The following HNRNPC variants were observed in gnomAD, a reference collection of about 807,000 sequenced individuals.
HNRNPC encodes the protein heterogeneous nuclear ribonucleoproteins C1/C2.
Under a neutral mutation model 33.2 loss-of-function variants are expected in HNRNPC, and 3 were observed. The observed-to-expected ratio is 0.09, with a 90% CI of 0.04 to 0.23. The LOEUF is 0.23. Ranked by LOEUF, HNRNPC falls within the 10% of genes least tolerant of loss-of-function variation. The probability of loss-of-function intolerance (pLI) is 1.00; values close to 1 mark genes in which losing one functional copy is unlikely to be tolerated. For synonymous variants in HNRNPC, 121 were observed against 126.7 expected (o/e 0.96, Z 0.30); for missense variants, 143 against 366.7 (o/e 0.39, Z 4.98).
intron 2 of HNRNPC, among the ~76,000 whole-genome samples, chr14:21,257,352 G>A (rs1202032300): frequency 6.6e-6 from 1 of 151,160 alleles, no homozygotes; most frequent in Non-Finnish European, 1.5e-5. Context: ...ACATGTAACA[G>A]AAACATGTAA....
At chr14:21,259,596 A>G (rs1288412415) in intron 2 of HNRNPC, among the ~76,000 whole-genome samples, 1 of 152,204 alleles carries the variant, frequency 6.6e-6, no homozygotes, top group Non-Finnish European at 1.5e-5. Flanking sequence ...CCCAGAAGCT[A>G]GAAACCAGCA....
chr14:21,225,526 C>A (rs527734363), intron 5 of HNRNPC, among the ~76,000 whole-genome samples: 2 of 152,016 alleles, frequency 1.3e-5, no homozygotes, highest in Admixed American at 6.6e-5. Flanking sequence ...AGATGTCCCA[C>A]AATGACTGAG....
At chr14:21,233,344 C>A (rs1309364721) in intron 3 of HNRNPC, among the ~76,000 whole-genome samples, 1 of 152,052 alleles carries the variant, frequency 6.6e-6, no homozygotes, top group African/African-American at 2.4e-5. Context: ...AACTAAATCA[C>A]AAATATAAAT....
chr14:21,236,420 C>A (rs1894702805), intron 2 of HNRNPC: 1 of 152,164 alleles, frequency 6.6e-6, no homozygotes, highest in Non-Finnish European at 1.5e-5. Context: ...GACAGACGTA[C>A]TCACAATACG....
At chr14:21,267,958 G>C (rs1238642866) in intron 1 of HNRNPC, among the ~76,000 whole-genome samples, 1 of 152,068 alleles carries the variant, frequency 6.6e-6, no homozygotes, top group East Asian at 1.9e-4. Flanking sequence ...CTTAAGAAAG[G>C]GGTCGCGATG....
At chr14:21,237,312 A>G (rs1294465752) in intron 2 of HNRNPC, among the ~76,000 whole-genome samples, 1 of 152,254 alleles carries the variant, frequency 6.6e-6, no homozygotes, top group Non-Finnish European at 1.5e-5. Context: ...TCTTCCCAGA[A>G]AAATAAACGT....
intron 5 of HNRNPC, 23 bp downstream of exon 5, chr14:21,230,296 A>C (rs1566612987): frequency 6.5e-7 from 1 of 1,548,080 alleles, no homozygotes; most frequent in Non-Finnish European, 8.9e-7. Flanking sequence ...TGTTTAGCAG[A>C]AATACAAAAC....
chr14:21,233,760 CAA>C (rs1460141002), intron 3 of HNRNPC, among the ~76,000 whole-genome samples, 191 bp downstream of exon 3: 1 of 152,048 alleles, frequency 6.6e-6, no homozygotes, highest in South Asian at 2.1e-4. Context: ...CTCTACTACA[CAA>C]AATGGTACAA....
chr14:21,240,226 T>A (rs1402361602), intron 2 of HNRNPC, among the ~76,000 whole-genome samples: 2 of 152,066 alleles, frequency 1.3e-5, no homozygotes, highest in African/African-American at 4.8e-5. Context: ...ACTCTCACCA[T>A]CCCAGCCACA....
At chr14:21,260,090 C>G (rs140600062) in intron 2 of HNRNPC, among the ~76,000 whole-genome samples, 4,677 of 144,348 alleles carry the variant, frequency 0.032, 247 homozygotes, top group East Asian at 0.22. Context: ...GTCCCAGCTA[C>G]TTGGGAGGCT....
At chr14:21,216,025 A>G (rs541969344) in intron 5 of HNRNPC, among the ~76,000 whole-genome samples, 1 of 150,322 alleles carries the variant, frequency 6.7e-6, no homozygotes, top group East Asian at 2.0e-4. Context: ...CTGAGGCACG[A>G]GAGTTGCTTG....
chr14:21,237,916 C>G (rs147471363), intron 2 of HNRNPC, among the ~76,000 whole-genome samples: 197 of 152,266 alleles, frequency 1.3e-3, no homozygotes, highest in African/African-American at 4.6e-3. Context: ...GGATTACAGG[C>G]ATGCGCCACC....
At chr14:21,254,242 A>G (rs1594313752) in intron 2 of HNRNPC, among the ~76,000 whole-genome samples, 1 of 152,082 alleles carries the variant, frequency 6.6e-6, no homozygotes, top group Admixed American at 6.6e-5. Flanking sequence ...ACAACAGTGT[A>G]TTGGTAAAAT....
rs377747332 is a variant in HNRNPC at position 21,217,560 on chromosome 14, G to C, written c.366-4443C>G. Reference sequence around the variant, plus strand: ...ATTACCACATTGTTGGGTTAGCCTTGTCCAAAGATCACTGATATGGGTTGG... The same window carrying C: ...ATTACCACATTGTTGGGTTAGCCTTCTCCAAAGATCACTGATATGGGTTGG... On this transcript the variant is annotated intron_variant, in intron 5 of 8. Transcript: ENST00000553300. Among the ~76,000 whole-genome samples, 61 of 152,274 alleles carry C rather than the reference G, an allele frequency of 4.0e-4. No homozygotes were observed. The South Asian group carries it at 0.012, about 31-fold the overall frequency.
intron 2 of HNRNPC, among the ~76,000 whole-genome samples, chr14:21,244,031 G>GTTT (rs201972334): frequency 1.4e-5 from 2 of 146,344 alleles, no homozygotes; most frequent in Non-Finnish European, 3.0e-5. Context: ...TTTCCTCCAA[G>GTTT]TTTTTTTTTT....
intron 1 of HNRNPC, chr14:21,264,663 C>T (rs1878690631): frequency 6.6e-6 from 1 of 152,162 alleles, no homozygotes; most frequent in Non-Finnish European, 1.5e-5. Context: ...CTTGTGCAAA[C>T]AATGAACTAG....
At chr14:21,249,601 A>AC (rs1566634007) in intron 2 of HNRNPC, among the ~76,000 whole-genome samples, 6 of 146,412 alleles carry the variant, frequency 4.1e-5, no homozygotes, top group African/African-American at 7.9e-5. Context: ...AACAAAAAAA[A>AC]AAAAAAAAAA....
At chr14:21,227,350 C>G (rs1426732839) in intron 5 of HNRNPC, among the ~76,000 whole-genome samples, 1 of 152,216 alleles carries the variant, frequency 6.6e-6, no homozygotes, top group Non-Finnish European at 1.5e-5. Flanking sequence ...GATCTCAGTA[C>G]TCTAAAAGTC....
At chr14:21,268,142 A>AT (rs1225151767) in intron 1 of HNRNPC, among the ~76,000 whole-genome samples, 5 of 152,240 alleles carry the variant, frequency 3.3e-5, no homozygotes, top group African/African-American at 1.2e-4. Context: ...GATGTCCCAG[A>AT]TAAGTCAATG....
Sources: allele counts gnomAD v4.1 joint callset (sites outside exome capture counted in the v4.1 genomes callset), GRCh38; gene constraint gnomAD v4.1.1; transcripts MANE v1.5; gene names NCBI Gene and HGNC (gene_info 2026-07-23, HGNC 2026-07-21).